Variants in FMN2 observed in about 807,000 individuals in gnomAD.
FMN2 encodes the protein formin 2, also known as formin-2.
In FMN2, 51 loss-of-function variants were observed where a neutral mutation model predicts 142.3. The observed-to-expected ratio is 0.36, with a 90% CI of 0.29 to 0.45. The LOEUF (loss-of-function observed/expected upper bound fraction) is 0.45. FMN2 is among the 20% of genes least tolerant of loss of function. The pLI is 1.00. For missense variants in FMN2, 1,936 were observed against 2,122.8 expected (o/e 0.91, Z 1.73); for synonymous variants, 882 against 869.8 (o/e 1.01, Z -0.25).
chr1:240,194,240 A>T (rs1377306944), intron 4 of FMN2, among the ~76,000 whole-genome samples: 4 of 152,176 alleles, frequency 2.6e-5, no homozygotes, highest in African/African-American at 9.7e-5. Context: ...GGAGTGGTAG[A>T]ACATTTGCTT....
chr1:240,435,153 CTT>C (rs1675323240), intron 15 of FMN2, among the ~76,000 whole-genome samples: 1 of 150,096 alleles, frequency 6.7e-6, no homozygotes, highest in South Asian at 2.1e-4. Flanking sequence ...ATTTTTGCCT[CTT>C]ATAAAGTGAA....
chr1:240,119,520 C>G (rs938341193), intron 1 of FMN2, among the ~76,000 whole-genome samples: 2 of 152,134 alleles, frequency 1.3e-5, no homozygotes, highest in Non-Finnish European at 2.9e-5. Context: ...ACATTTTGGG[C>G]TGTTACAGCT....
chr1:240,100,431 A>T (rs1661373740), intron 1 of FMN2, among the ~76,000 whole-genome samples: 1 of 152,232 alleles, frequency 6.6e-6, no homozygotes, highest in Non-Finnish European at 1.5e-5. Context: ...TAGTTATTAG[A>T]TATCATTTTA....
Position 240,109,727 on chromosome 1 carries a change from C to T in FMN2, c.1616-13452C>T, listed in dbSNP as rs183782693. ...GAAGGGTATTAAAAGATGTGTTCCACATCAATTATAGCAAATACATCATCC... is the reference window on the plus strand; with the variant it reads ...GAAGGGTATTAAAAGATGTGTTCCATATCAATTATAGCAAATACATCATCC... On this transcript the variant is annotated intron_variant, in intron 1 of 17. Coordinates refer to ENST00000319653, the MANE Select transcript of FMN2 (RefSeq NM_020066.5). Among the ~76,000 whole-genome samples the T allele has an allele frequency of 2.7e-4, 41 of 152,270 alleles. No homozygotes were observed. In the Middle Eastern group the frequency reaches 0.014, roughly 51 times the overall value.
intron 16 of FMN2, among the ~76,000 whole-genome samples, chr1:240,462,547 A>G (rs947845659): frequency 1.7e-4 from 26 of 152,206 alleles, no homozygotes; most frequent in African/African-American, 3.9e-4. Flanking sequence ...AGTGATTTCA[A>G]TCTAAGCCTA....
intron 16 of FMN2, among the ~76,000 whole-genome samples, chr1:240,452,521 C>A (rs757725828): frequency 1.3e-5 from 2 of 152,042 alleles, no homozygotes; most frequent in East Asian, 3.8e-4. Context: ...CTTAACTTTA[C>A]GAGACGGGTT....
intron 15 of FMN2, among the ~76,000 whole-genome samples, chr1:240,411,732 GA>G (rs1674400986): frequency 6.6e-6 from 1 of 151,924 alleles, no homozygotes; most frequent in Non-Finnish European, 1.5e-5. Flanking sequence ...TACTCTGCTG[GA>G]AAGTTTTTTC....
intron 14 of FMN2, among the ~76,000 whole-genome samples, chr1:240,360,618 G>A (rs1672429777): frequency 6.6e-6 from 1 of 152,150 alleles, no homozygotes; most frequent in Non-Finnish European, 1.5e-5. Context: ...AGTCTTTTTA[G>A]TGACTGTTAA....
chr1:240,378,538 C>T (rs1018249557), intron 14 of FMN2, among the ~76,000 whole-genome samples: 1 of 152,010 alleles, frequency 6.6e-6, no homozygotes, highest in Non-Finnish European at 1.5e-5. Flanking sequence ...TGAACCTTAT[C>T]CCCTCAGTGA....
intron 15 of FMN2, among the ~76,000 whole-genome samples, chr1:240,434,728 AT>A (rs34969961): frequency 0.51 from 65,994 of 130,594 alleles, 17,678 homozygotes; most frequent in East Asian, 0.7. Flanking sequence ...CACCCTGCTA[AT>A]TTTTTTTTTT....
At chr1:240,257,255 G>C (rs895709212) in intron 6 of FMN2, among the ~76,000 whole-genome samples, 1 of 152,174 alleles carries the variant, frequency 6.6e-6, no homozygotes, top group African/African-American at 2.4e-5. Context: ...GCATGGGATC[G>C]TGTGCCCTGA....
intron 2 of FMN2, among the ~76,000 whole-genome samples, chr1:240,128,803 C>G (rs772549887): frequency 6.6e-6 from 1 of 152,166 alleles, no homozygotes; most frequent in African/African-American, 2.4e-5. Context: ...GAAATATGCT[C>G]TACTCATTGT....
intron 16 of FMN2, among the ~76,000 whole-genome samples, chr1:240,461,166 G>A (rs1336520304): frequency 2.6e-5 from 4 of 152,156 alleles, no homozygotes; most frequent in Non-Finnish European, 5.9e-5. Flanking sequence ...AGAAAATAGT[G>A]CAATGATGAA....
In FMN2 at chr1:240,207,449, A is replaced by G. The variant is rs758562093; in HGVS notation, c.2637A>G (p.Pro879=). The change falls in exon 5 of 18, where the codon CCA becomes CCG. Residue 879 remains proline (P), a synonymous_variant. Coordinates refer to ENST00000319653, the MANE Select transcript of FMN2 (RefSeq NM_020066.5). ...CTGGCCTGGGCATGGTGCCTCCCCC[A>G]CCTCCCCCTCTCCCTGGCATGACAG... The part of the protein sequence containing the change: ...SMPGLGMVPP[P]PPPLPGMTVP... 12 of 1,579,844 alleles carry G rather than the reference A, an allele frequency of 7.6e-6. No individual in the cohort carries two copies. Among genetic ancestry groups the G allele is most frequent in the Admixed American group, 3.5e-5 (2 of 57,492 alleles).
At chr1:240,259,416 C>G (rs551246950) in intron 7 of FMN2, among the ~76,000 whole-genome samples, 2 of 151,148 alleles carry the variant, frequency 1.3e-5, no homozygotes, top group Admixed American at 6.6e-5. Flanking sequence ...AAGGGTCATA[C>G]AGAATCATGC....
intron 6 of FMN2, among the ~76,000 whole-genome samples, chr1:240,223,639 G>T (rs1173291891): frequency 3.3e-5 from 5 of 152,024 alleles, no homozygotes; most frequent in African/African-American, 7.2e-5. Context: ...TGGTAGGCTA[G>T]CAATTACTGC....
intron 15 of FMN2, among the ~76,000 whole-genome samples, chr1:240,396,303 C>CGTGT (rs57641655): frequency 0.1 from 14,578 of 142,448 alleles, 754 homozygotes; most frequent in Admixed American, 0.12. Context: ...CCGAGGTTTT[C>CGTGT]GTGTGTGTGT....
chr1:240,372,256 A>G (rs1198788886), intron 14 of FMN2, among the ~76,000 whole-genome samples: 1 of 152,136 alleles, frequency 6.6e-6, no homozygotes, highest in Non-Finnish European at 1.5e-5. Flanking sequence ...AACTTATGAG[A>G]AAAGTCATCT....
chr1:240,354,077 T>G (rs1672188794), intron 13 of FMN2, among the ~76,000 whole-genome samples: 1 of 152,130 alleles, frequency 6.6e-6, no homozygotes, highest in Non-Finnish European at 1.5e-5. Flanking sequence ...CTTCCTGTAT[T>G]CAGGGTGTAG....
Sources: allele counts gnomAD v4.1 joint callset (sites outside exome capture counted in the v4.1 genomes callset), GRCh38; gene constraint gnomAD v4.1.1; transcripts MANE v1.5; gene names NCBI Gene and HGNC (gene_info 2026-07-23, HGNC 2026-07-21).